The following CDH13 variants were observed in gnomAD, a reference collection of about 807,000 sequenced individuals.
CDH13 encodes the protein cadherin-13.
In CDH13, 24 loss-of-function variants were observed where a neutral mutation model predicts 63.8. The ratio of observed to expected loss-of-function variants is 0.38; its 90% CI spans 0.27 to 0.53. CDH13 has a LOEUF of 0.53. CDH13 is among the 20% of genes least tolerant of loss of function. The probability of loss-of-function intolerance (pLI) is 0.85; values close to 1 mark genes in which losing one functional copy is unlikely to be tolerated. For missense variants in CDH13, 1,049 were observed against 903.1 expected (o/e 1.16, Z -2.07); for synonymous variants, 503 against 355.3 (o/e 1.42, Z -4.67).
At chr16:83,297,423 G>C (rs976994861) in intron 5 of CDH13, among the ~76,000 whole-genome samples, 1 of 152,150 alleles carries the variant, frequency 6.6e-6, no homozygotes, top group Non-Finnish European at 1.5e-5. Context: ...GTACTAATGG[G>C]AGGTGAAGAA....
chr16:83,150,952 C>A (rs1220295028), intron 4 of CDH13, among the ~76,000 whole-genome samples: 1 of 152,114 alleles, frequency 6.6e-6, no homozygotes, highest in Non-Finnish European at 1.5e-5. Context: ...AGATTATATA[C>A]CCCATCTTTT....
intron 2 of CDH13, among the ~76,000 whole-genome samples, chr16:82,939,098 T>C (rs1373154421): frequency 1.3e-5 from 2 of 152,086 alleles, no homozygotes; most frequent in Non-Finnish European, 2.9e-5. Context: ...ACTGACAGCA[T>C]CTCCTCTGGT....
intron 7 of CDH13, among the ~76,000 whole-genome samples, chr16:83,511,330 C>G (rs1004355608): frequency 6.6e-6 from 1 of 152,036 alleles, no homozygotes; most frequent in Non-Finnish European, 1.5e-5. Context: ...GGTGTAGTGG[C>G]AGGTGCCTGT....
chr16:83,359,396 G>A (rs2091118901), intron 6 of CDH13, among the ~76,000 whole-genome samples: 1 of 152,114 alleles, frequency 6.6e-6, no homozygotes, highest in Admixed American at 6.6e-5. Flanking sequence ...ATGCCACGTG[G>A]GTCACAAATA....
chr16:82,669,181 C>G (rs1034443760), intron 1 of CDH13, among the ~76,000 whole-genome samples: 5 of 152,206 alleles, frequency 3.3e-5, no homozygotes, highest in Non-Finnish European at 7.3e-5. Context: ...CATCGGAAAC[C>G]TCTTGAGGAC....
At chr16:82,900,999 G>T (rs963431719) in intron 2 of CDH13, among the ~76,000 whole-genome samples, 4 of 152,102 alleles carry the variant, frequency 2.6e-5, no homozygotes, top group Admixed American at 2.6e-4. Flanking sequence ...AATGCCAAGG[G>T]AAGTTTCTAG....
Position 83,249,540 on chromosome 16 carries a change from C to T in CDH13, c.636+32043C>T, listed in dbSNP as rs148857224. Among the ~76,000 whole-genome samples, 497 of 152,330 alleles carry T rather than the reference C, an allele frequency of 3.3e-3. 3 individuals carry two copies. Among genetic ancestry groups the T allele is most frequent in the African/African-American group, 0.011 (455 of 41,580 alleles). On this transcript the variant is annotated intron_variant, in intron 5 of 13. Coordinates refer to ENST00000567109, the MANE Select transcript of CDH13 (RefSeq NM_001257.5). ...TCTCATTTAATCCCAATAGCTACTT[C>T]ATGAGAAAGGTGCCATCATTCTATC... is the stretch of plus-strand genomic sequence containing the variant.
At chr16:83,493,799 G>A (rs2074074213) in intron 7 of CDH13, among the ~76,000 whole-genome samples, 1 of 152,218 alleles carries the variant, frequency 6.6e-6, no homozygotes, top group African/African-American at 2.4e-5. Context: ...TCACAGAGCT[G>A]TGACTTGGAC....
chr16:83,751,217 A>C (rs1000811635), intron 11 of CDH13, among the ~76,000 whole-genome samples: 1 of 152,188 alleles, frequency 6.6e-6, no homozygotes, highest in African/African-American at 2.4e-5. Flanking sequence ...AAGTCATGAA[A>C]TCAATCGTGA....
At chr16:82,652,200 T>C (rs1482070370) in intron 1 of CDH13, among the ~76,000 whole-genome samples, 1 of 152,208 alleles carries the variant, frequency 6.6e-6, no homozygotes, top group Non-Finnish European at 1.5e-5. Flanking sequence ...CTGGAGAGTC[T>C]TGTGCTTCAG....
intron 1 of CDH13, among the ~76,000 whole-genome samples, chr16:82,747,916 A>C (rs945411425): frequency 6.6e-6 from 1 of 152,228 alleles, no homozygotes; most frequent in Non-Finnish European, 1.5e-5. Flanking sequence ...ACATCCAGGC[A>C]ACCTTCTTTT....
chr16:83,327,968 T>A (rs1261916204), intron 5 of CDH13, among the ~76,000 whole-genome samples: 1 of 151,906 alleles, frequency 6.6e-6, no homozygotes, highest in East Asian at 1.9e-4. Flanking sequence ...CCGTCTCTAC[T>A]GAAAATATGA....
At chr16:82,936,806 G>A (rs1331383205) in intron 2 of CDH13, among the ~76,000 whole-genome samples, 2 of 149,436 alleles carry the variant, frequency 1.3e-5, no homozygotes, top group African/African-American at 5.1e-5. Context: ...TCTTGTGTGC[G>A]TTTAGGGAAA....
chr16:83,199,581 C>T (rs187620188), intron 4 of CDH13, among the ~76,000 whole-genome samples: 1 of 152,320 alleles, frequency 6.6e-6, no homozygotes, highest in Non-Finnish European at 1.5e-5. Flanking sequence ...CACAAGGCCT[C>T]AGTGAATGCA....
intron 5 of CDH13, among the ~76,000 whole-genome samples, chr16:83,278,016 A>G (rs1446311900): frequency 2.0e-5 from 3 of 152,204 alleles, no homozygotes; most frequent in African/African-American, 4.8e-5. Flanking sequence ...TATGATTTCT[A>G]TTGATAAAAG....
intron 8 of CDH13, among the ~76,000 whole-genome samples, chr16:83,631,930 C>T (rs1490300877): frequency 6.6e-6 from 1 of 152,206 alleles, no homozygotes; most frequent in Non-Finnish European, 1.5e-5. Flanking sequence ...TCTCGTTCGC[C>T]AGCTGAGCAA....
intron 1 of CDH13, among the ~76,000 whole-genome samples, chr16:82,745,455 T>A (rs2034119706): frequency 6.6e-6 from 1 of 152,036 alleles, no homozygotes; most frequent in Non-Finnish European, 1.5e-5. Context: ...ATACAAAAAA[T>A]TAGCCGGGCA....
At chr16:82,785,621 T>A (rs932040811) in intron 1 of CDH13, among the ~76,000 whole-genome samples, 1 of 152,206 alleles carries the variant, frequency 6.6e-6, no homozygotes, top group Admixed American at 6.5e-5. Flanking sequence ...TACAATCTTG[T>A]ATTCCATTCT....
intron 7 of CDH13, among the ~76,000 whole-genome samples, chr16:83,575,519 C>T (rs765751929): frequency 4.6e-5 from 7 of 152,208 alleles, no homozygotes; most frequent in Non-Finnish European, 7.3e-5. Flanking sequence ...GCTCACACCA[C>T]GTGTCCCTCT....
Sources: gnomAD v4.1 joint callset for allele counts (sites outside exome capture counted in the v4.1 genomes callset) on GRCh38, gnomAD v4.1.1 for gene constraint, MANE v1.5 for transcripts, NCBI Gene and HGNC (gene_info 2026-07-23, HGNC 2026-07-21) for gene names.